Variants in ZNF343 observed in about 807,000 individuals in gnomAD.
ZNF343 encodes zinc finger protein 343.
A neutral mutation model predicts 13.8 loss-of-function variants in ZNF343; 11 were observed. The observed-to-expected ratio is 0.80, with a 90% CI of 0.50 to 1.32. The LOEUF (loss-of-function observed/expected upper bound fraction) is 1.32, where lower values mean the gene tolerates loss of function less well. ZNF343 is among the 40% of genes most tolerant of loss of function. ZNF343 has a pLI of 0.00. For missense variants in ZNF343, 658 were observed against 714.2 expected, an observed-to-expected ratio of 0.92 and a Z score of 0.90; for synonymous variants, 248 against 260.0, an observed-to-expected ratio of 0.95 and a Z score of 0.44.
At chr20:2,522,360 C>CAAACACTCTACTTGTTTGT (rs1222909630) in intron 1 of ZNF343, among the ~76,000 whole-genome samples, 77 of 152,312 alleles carry the variant, frequency 5.1e-4, no homozygotes, top group Non-Finnish European at 9.1e-4. Flanking sequence ...AGCTTGTTTG[C>CAAACACTCTACTTGTTTGT]AAACACTCTA....
chr20:2,514,411 A>G (rs1299308937), intron 1 of ZNF343, among the ~76,000 whole-genome samples: 1 of 152,238 alleles, frequency 6.6e-6, no homozygotes, highest in Non-Finnish European at 1.5e-5. Context: ...AAGAATCTTC[A>G]AAAGGATTCA....
chr20:2,494,789 C>A (rs1384864145), intron 2 of ZNF343, among the ~76,000 whole-genome samples: 1 of 151,702 alleles, frequency 6.6e-6, no homozygotes, highest in Non-Finnish European at 1.5e-5. Flanking sequence ...AAAAAAAATC[C>A]CTATGTCCCT....
chr20:2,492,937 C>T (rs2085391303), intron 4 of ZNF343, 112 bp from the exon 5 acceptor site: 6 of 1,476,840 alleles, frequency 4.1e-6, no homozygotes, highest in Non-Finnish European at 4.6e-6. Flanking sequence ...TGTAATTCGT[C>T]AGAATATATG....
chr20:2,514,998 G>A (rs2085753138), intron 1 of ZNF343, among the ~76,000 whole-genome samples: 1 of 133,772 alleles, frequency 7.5e-6, no homozygotes, highest in Non-Finnish European at 1.6e-5. Flanking sequence ...GCGAGACATT[G>A]TATCAAAAAA....
At chr20:2,520,617 T>C (rs905579790) in intron 1 of ZNF343, among the ~76,000 whole-genome samples, 2 of 152,238 alleles carry the variant, frequency 1.3e-5, no homozygotes, top group African/African-American at 4.8e-5. Flanking sequence ...TTTTATTTTA[T>C]TTTACTAGAT....
chr20:2,510,562 C>T (rs892658277), upstream of ZNF343, among the ~76,000 whole-genome samples: 1 of 152,174 alleles, frequency 6.6e-6, no homozygotes, highest in Admixed American at 6.5e-5. Flanking sequence ...GCCCCAAGGC[C>T]GTTGTGAGCC....
At chr20:2,501,815 T>C (rs2085571847) in intron 1 of ZNF343, among the ~76,000 whole-genome samples, 1 of 152,092 alleles carries the variant, frequency 6.6e-6, no homozygotes, top group African/African-American at 2.4e-5. Context: ...CATCTGTATG[T>C]CACTATCATC....
chr20:2,495,502 T>A (rs904632123), intron 2 of ZNF343: 3 of 152,176 alleles, frequency 2.0e-5, no homozygotes, highest in Non-Finnish European at 2.9e-5. Context: ...GAACAGCATG[T>A]CCGAAGAGGG....
At chr20:2,516,878 A>G (rs77668781) in intron 1 of ZNF343, among the ~76,000 whole-genome samples, 1,670 of 152,238 alleles carry the variant, frequency 0.011, 14 homozygotes, top group Non-Finnish European at 0.019. Context: ...CGTGAGGTTC[A>G]GGGTCAAGGA....
At position 2,493,632 on chromosome 20, in the gene ZNF343, C is replaced by A. The variant is rs555643723; in HGVS notation, c.119-55G>T. 155 of 965,570 alleles carry A rather than the reference C, an allele frequency of 1.6e-4. 2 individuals are homozygous for A. In the South Asian group the frequency reaches 1.7e-3, roughly 10 times the overall value. The allele number at this position is 965,570 out of a possible 1,614,324, so 59.8% of individuals were successfully genotyped here. ...CCAGACCCCCCCACCCCCCACCCCC[C>A]ACCATGACGCTCCCTGAGCAGCTCT... On this transcript the variant is annotated intron_variant, in intron 3 of 5. Transcript: ENST00000278772.
At chr20:2,498,426 A>AT (rs1173151571) in intron 2 of ZNF343, among the ~76,000 whole-genome samples, 3 of 152,366 alleles carry the variant, frequency 2.0e-5, no homozygotes, top group Admixed American at 2.0e-4. Flanking sequence ...AAATCAAGGC[A>AT]TGCTTTGCAA....
rs1157045095 is a variant in ZNF343 at position 2,518,501 on chromosome 20, C to G, written c.-347+5954G>C. 6.6e-6 allele frequency among the ~76,000 whole-genome samples: 1 copy of G among 151,400 alleles called. No individual in the cohort carries two copies. The highest frequency in any genetic ancestry group is 1.5e-5 in the Non-Finnish European group (1 of 68,026). On this transcript the variant is annotated intron_variant, in intron 1 of 6. Coordinates refer to the ZNF343 transcript ENST00000358413. This position sits in a 1 kb window ranked among gnomAD's most constrained non-coding sequence, Gnocchi z 4.6. Reference sequence around the variant, plus strand: ...TGTTGTCAAATAATCTTTTGTACTCCAAAGTACTCCAAAATACACAATAGT... The same window carrying G: ...TGTTGTCAAATAATCTTTTGTACTCGAAAGTACTCCAAAATACACAATAGT...
In ZNF343 at chr20:2,493,951, T is replaced by C; in HGVS notation, c.-56A>G. The C allele has an allele frequency of 8.6e-7, 1 of 1,167,742 alleles. No homozygotes were observed. The highest frequency in any genetic ancestry group is 1.3e-6 in the Non-Finnish European group (1 of 775,292). The allele number at this position is 1,167,742 out of a possible 1,614,324, so 72.3% of individuals were successfully genotyped here. ...AAATTCTGCCAGAGGTCCAGGTAGA[T>C]GTTATTTCATCTCAAGATGGAGTTC... On this transcript the variant is annotated 5_prime_UTR_variant, in exon 3 of 6. Transcript: ENST00000278772.
At chr20:2,510,817 T>A (rs1294689967), upstream of ZNF343, among the ~76,000 whole-genome samples, 1 of 152,102 alleles carries the variant, frequency 6.6e-6, no homozygotes, top group African/African-American at 2.4e-5. Flanking sequence ...CTCACATCCA[T>A]CTCCCTGACT....
In ZNF343 at chr20:2,483,050, C is replaced by A; in HGVS notation, c.*111G>T. On this transcript the variant is annotated 3_prime_UTR_variant, in exon 6 of 6. Transcript: ENST00000278772. ...GCTGACACATCTCTGGAACTTCACTCACAATCTGTGTACACAGGGTCTACT... is the reference window on the plus strand; with the variant it reads ...GCTGACACATCTCTGGAACTTCACTAACAATCTGTGTACACAGGGTCTACT... 7.6e-7 allele frequency: 1 copy of A among 1,317,868 alleles called. No individual in the cohort carries two copies. Among genetic ancestry groups the A allele is most frequent in the South Asian group, 1.5e-5 (1 of 67,472 alleles). 81.6% of individuals were successfully genotyped at this position (1,317,868 alleles called of 1,614,324 possible).
intron 1 of ZNF343, among the ~76,000 whole-genome samples, chr20:2,505,558 T>C (rs1454316106): frequency 2.0e-5 from 3 of 152,184 alleles, no homozygotes; most frequent in Non-Finnish European, 4.4e-5. Flanking sequence ...GAGGCTACAG[T>C]AACCAAAACA....
Position 2,484,375 on chromosome 20 carries a change from G to T in ZNF343, c.586C>A (p.Pro196Thr). 1 of 1,614,190 alleles carries T rather than the reference G, an allele frequency of 6.2e-7. No homozygotes were observed. Among genetic ancestry groups the T allele is most frequent in the Non-Finnish European group, 8.5e-7 (1 of 1,180,030 alleles). The change falls in exon 6 of 6, where the codon CCA becomes ACA. Residue 196 changes from proline (P) to threonine (T), a missense_variant. Coordinates refer to ENST00000278772, the MANE Select transcript of ZNF343 (RefSeq NM_024325.6). ...ERETSRAFPSPLQRQSASPRK... is the reference protein window; with the variant it reads ...ERETSRAFPSTLQRQSASPRK... ...GGACTTGCTGACTGTCTTTGGAGTG[G>T]GCTGGGGAATGCCCTTGAGGTTTCT...
intron 1 of ZNF343, among the ~76,000 whole-genome samples, chr20:2,500,986 G>A (rs963599137): frequency 7.9e-5 from 12 of 152,294 alleles, no homozygotes; most frequent in Middle Eastern, 3.4e-3. Context: ...GCAGAGCACC[G>A]AGTGTTAGCC....
At position 2,492,426 on chromosome 20, in the gene ZNF343, C is replaced by T. The variant is rs749373619; in HGVS notation, c.304+273G>A. 4.6e-5 allele frequency among the ~76,000 whole-genome samples: 7 copies of T among 152,218 alleles called. No homozygotes were observed. In the South Asian group the frequency reaches 1.2e-3, roughly 27 times the overall value. ...TAAACTTCAGCCAGCCACCCTATCA[C>T]ACCCAATACCCCTTTATCCTGCCTT... On this transcript the variant is annotated intron_variant, in intron 5 of 5. Transcript: ENST00000278772.
Sources: allele counts gnomAD v4.1 joint callset (sites outside exome capture counted in the v4.1 genomes callset), GRCh38; gene constraint gnomAD v4.1.1; non-coding constraint Gnocchi (gnomAD v3.1); transcripts MANE v1.5; gene names NCBI Gene and HGNC (gene_info 2026-07-23, HGNC 2026-07-21).